Variants in ELAVL4 observed in about 807,000 individuals in gnomAD.
ELAVL4 encodes ELAV like RNA binding protein 4, also known as ELAV-like protein 4.
A neutral mutation model predicts 35.6 loss-of-function variants in ELAVL4; 1 was observed. The ratio of observed to expected loss-of-function variants is 0.03; its 90% confidence interval spans 0.01 to 0.13. ELAVL4 has a LOEUF of 0.13. Among genes scored for constraint, ELAVL4 ranks in the 10% least tolerant of loss-of-function variants. The pLI, the probability that ELAVL4 is intolerant of heterozygous loss-of-function variation, is 1.00. For missense variants in ELAVL4, 267 were observed against 464.9 expected (o/e 0.57, Z 3.91); for synonymous variants, 156 against 171.0 (o/e 0.91, Z 0.69).
At chr1:50,095,918 C>A (rs1416521025) in intron 1 of ELAVL4, among the ~76,000 whole-genome samples, 1 of 152,148 alleles carries the variant, frequency 6.6e-6, no homozygotes, top group Non-Finnish European at 1.5e-5. Flanking sequence ...GAGCAACTTC[C>A]ACTTTCGAGT....
rs548603702 is a variant in ELAVL4 at position 50,158,823 on chromosome 1, G to A, written c.250+13626G>A. On this transcript the variant is annotated intron_variant, in intron 2 of 6. Coordinates refer to ENST00000371824, the MANE Select transcript of ELAVL4 (RefSeq NM_001144774.3). ...TGGGAGTCCAAGGCGGGTGGATCAC[G>A]AGGTCAGGAGTTTAAGACCAGCCTG... is the stretch of plus-strand genomic sequence containing the variant. Among the ~76,000 whole-genome samples, 27 of 152,228 alleles carry A rather than the reference G, an allele frequency of 1.8e-4. No individual in the cohort carries two copies. The East Asian group carries it at 4.6e-3, about 26-fold the overall frequency.
chr1:50,193,666 G>C (rs1683013950), intron 3 of ELAVL4, 99 bp from the exon 4 acceptor site: 1 of 1,421,792 alleles, frequency 7.0e-7, no homozygotes, highest in Non-Finnish European at 9.5e-7. Flanking sequence ...ACCATGAGTT[G>C]TAACGGTAGA....
At chr1:50,120,030 T>C (rs1189403880) in intron 1 of ELAVL4, among the ~76,000 whole-genome samples, 1 of 150,646 alleles carries the variant, frequency 6.6e-6, no homozygotes, top group Admixed American at 6.7e-5. Flanking sequence ...ATTTCTCTTC[T>C]ATATCAAATT....
At chr1:50,171,701 C>T (rs571830319) in intron 2 of ELAVL4, among the ~76,000 whole-genome samples, 1 of 152,316 alleles carries the variant, frequency 6.6e-6, no homozygotes, top group East Asian at 1.9e-4. Flanking sequence ...CAAGGTTATA[C>T]AGCAAGTAGT....
chr1:50,181,675 G>GTGTGTTTGT (rs113191983), intron 3 of ELAVL4, among the ~76,000 whole-genome samples: 1 of 150,998 alleles, frequency 6.6e-6, no homozygotes, highest in Non-Finnish European at 1.5e-5. Flanking sequence ...GTATGTGTGT[G>GTGTGTTTGT]TTTGTTTTGT....
intron 1 of ELAVL4, among the ~76,000 whole-genome samples, chr1:50,089,622 G>A (rs965830859): frequency 6.6e-6 from 1 of 152,150 alleles, no homozygotes; most frequent in Non-Finnish European, 1.5e-5. Context: ...AGGCATGGTG[G>A]CATGTGTCTG....
intron 1 of ELAVL4, among the ~76,000 whole-genome samples, chr1:50,064,687 A>G (rs967174620): frequency 2.0e-5 from 3 of 152,208 alleles, no homozygotes; most frequent in Admixed American, 1.3e-4. Flanking sequence ...CTGTGTTCCC[A>G]CAGAGAATTT....
At position 50,193,059 on chromosome 1, in the gene ELAVL4, C is replaced by T. The variant is rs1488201518; in HGVS notation, c.355-706C>T. On this transcript the variant is annotated intron_variant, in intron 3 of 6. Coordinates refer to ENST00000371824, the MANE Select transcript of ELAVL4 (RefSeq NM_001144774.3). ...TGCCCTTTCCCTCCCTCCTTTCCAT[C>T]TTGCCCCCATTTTATTTGTTGTGGT... Among the ~76,000 whole-genome samples the T allele has an allele frequency of 4.6e-5, 7 of 152,288 alleles. No homozygotes were observed. In the East Asian group the frequency reaches 1.4e-3, roughly 29 times the overall value.
At chr1:50,049,908 G>A (rs983720521) in intron 1 of ELAVL4, among the ~76,000 whole-genome samples, 2 of 152,184 alleles carry the variant, frequency 1.3e-5, no homozygotes, top group Non-Finnish European at 2.9e-5. Context: ...AGGTACTTGG[G>A]TGTGGGTTGT....
chr1:50,119,042 AAGAAAG>A (rs1394682831), intron 1 of ELAVL4, among the ~76,000 whole-genome samples: 1 of 81,470 alleles, frequency 1.2e-5, no homozygotes, highest in Non-Finnish European at 2.5e-5. Flanking sequence ...AAGAAAAAGA[AAGAAAG>A]AAAGAAAGAA....
intron 1 of ELAVL4, among the ~76,000 whole-genome samples, chr1:50,137,875 C>A (rs1198789768): frequency 4.6e-5 from 7 of 152,164 alleles, no homozygotes; most frequent in Non-Finnish European, 1.0e-4. Flanking sequence ...TTGTTCTCTT[C>A]TAATAATATT....
chr1:50,109,900 T>C, intron 1 of ELAVL4: 5 of 1,611,690 alleles, frequency 3.1e-6, no homozygotes, highest in Non-Finnish European at 4.2e-6. Context: ...CCTTTCCGCT[T>C]TTGACACACT....
At chr1:50,079,095 A>C (rs1664889947) in intron 1 of ELAVL4, among the ~76,000 whole-genome samples, 1 of 152,028 alleles carries the variant, frequency 6.6e-6, no homozygotes, top group Non-Finnish European at 1.5e-5. Context: ...ATTTGTAATT[A>C]TTTATTATTA....
At chr1:50,170,937 G>A (rs760983866) in intron 2 of ELAVL4, among the ~76,000 whole-genome samples, 13 of 152,130 alleles carry the variant, frequency 8.5e-5, no homozygotes, top group Non-Finnish European at 1.5e-4. Context: ...GGTTGCTGAG[G>A]TGGGAGGATC....
chr1:50,126,767 T>C (rs1257357073), intron 1 of ELAVL4, among the ~76,000 whole-genome samples: 2 of 152,134 alleles, frequency 1.3e-5, no homozygotes, highest in Non-Finnish European at 2.9e-5. Context: ...TCATTAGCAA[T>C]GTGTAGACCT....
chr1:50,121,838 T>G (rs949513983), intron 1 of ELAVL4, among the ~76,000 whole-genome samples: 2 of 152,092 alleles, frequency 1.3e-5, no homozygotes, highest in African/African-American at 2.4e-5. Context: ...CCAAAGTATT[T>G]ATTAACTAGG....
At chr1:50,144,634 T>A (rs982813423) in intron 1 of ELAVL4, 2 of 511,484 alleles carry the variant, frequency 3.9e-6, no homozygotes, top group African/African-American at 3.9e-5. Flanking sequence ...TTAATTATAA[T>A]TTGGTGTGGC....
rs1227676680 is a variant in ELAVL4 at position 50,203,221 on chromosome 1, T to C, written c.*2043T>C. ...TATGGTTATTTATAACTTGTGCTTA[T>C]TTTGTGCATTTTTTCCCATGCTGAA... is the stretch of plus-strand genomic sequence containing the variant. On this transcript the variant is annotated 3_prime_UTR_variant, in exon 7 of 7. Transcript: ENST00000371824. 1 of 152,186 alleles carries C rather than the reference T, an allele frequency of 6.6e-6. No individual in the cohort carries two copies. The highest frequency in any genetic ancestry group is 2.4e-5 in the African/African-American group (1 of 41,446). The allele number at this position is 152,186 out of a possible 1,614,324, so 9.4% of individuals were successfully genotyped here. A position where few individuals can be genotyped will look rare whatever the true frequency, so the allele number is the denominator to read the frequency against.
chr1:50,061,570 A>C (rs1192877198), intron 1 of ELAVL4, among the ~76,000 whole-genome samples: 1 of 152,218 alleles, frequency 6.6e-6, no homozygotes, highest in African/African-American at 2.4e-5. Context: ...CCCATCAGGT[A>C]GTGTGGCCCT....
Sources: allele counts gnomAD v4.1 joint callset (sites outside exome capture counted in the v4.1 genomes callset), GRCh38; gene constraint gnomAD v4.1.1; transcripts MANE v1.5; gene names NCBI Gene and HGNC (gene_info 2026-07-23, HGNC 2026-07-21).